Variants in TRPM8 observed in about 807,000 individuals in gnomAD.
TRPM8 encodes the protein transient receptor potential cation channel subfamily M member 8.
Under a neutral mutation model 133.7 loss-of-function variants are expected in TRPM8, and 110 were observed. The observed-to-expected ratio is 0.82, with a 90% CI of 0.70 to 0.96. TRPM8 has a LOEUF of 0.96. TRPM8 is among the 40% of genes least tolerant of loss of function. TRPM8 has a pLI of 0.00. For missense variants in TRPM8, 1,291 were observed against 1,379.5 expected (o/e 0.94, Z 1.02); for synonymous variants, 535 against 532.3 (o/e 1.01, Z -0.07).
chr2:233,954,164 A>G (rs1356630568), intron 10 of TRPM8, 145 bp downstream of exon 10: 1 of 528,444 alleles, frequency 1.9e-6, no homozygotes, highest in African/African-American at 1.9e-5. Context: ...AGCTAGAATA[A>G]CTACGCTTGT....
At chr2:233,941,028 C>G (rs781225910) in intron 5 of TRPM8, among the ~76,000 whole-genome samples, 2 of 152,080 alleles carry the variant, frequency 1.3e-5, no homozygotes, top group African/African-American at 4.8e-5. Flanking sequence ...CCTCTGACCT[C>G]GAAAGGTCAT....
At chr2:234,012,793 T>C (rs1692874376) in intron 24 of TRPM8, among the ~76,000 whole-genome samples, 1 of 152,044 alleles carries the variant, frequency 6.6e-6, no homozygotes, top group South Asian at 2.1e-4. Context: ...TCTATATCGA[T>C]TTTGTTGAGA....
At chr2:233,946,134 C>T in intron 7 of TRPM8, 104 bp downstream of exon 7, 1 of 1,101,142 alleles carries the variant, frequency 9.1e-7, no homozygotes, top group Non-Finnish European at 1.3e-6. Flanking sequence ...GAGAAACACA[C>T]CTGATCAGGT....
In TRPM8 at chr2:233,970,152, G is replaced by A. The variant is rs893962270; in HGVS notation, c.2139-58G>A. On this transcript the variant is annotated intron_variant, in intron 16 of 25. Transcript: ENST00000324695. ...TTATCTATGTTTGGAAGGAGGGGAGGGCTGTGCCCGTCCCATGCTTGCAAG... is the reference window on the plus strand; with the variant it reads ...TTATCTATGTTTGGAAGGAGGGGAGAGCTGTGCCCGTCCCATGCTTGCAAG... The A allele has an allele frequency of 1.0e-5, 15 of 1,451,732 alleles. No homozygotes were observed. In the East Asian group the frequency reaches 2.9e-4, roughly 29 times the overall value. 89.9% of individuals were successfully genotyped at this position (1,451,732 alleles called of 1,614,324 possible).
chr2:233,995,954 G>A (rs1389941741), intron 21 of TRPM8, among the ~76,000 whole-genome samples: 3 of 151,968 alleles, frequency 2.0e-5, no homozygotes, highest in African/African-American at 7.3e-5. Flanking sequence ...ATGGATGAGG[G>A]CCACCATGCT....
intron 22 of TRPM8, among the ~76,000 whole-genome samples, chr2:233,999,110 G>T (rs1429757124): frequency 1.3e-5 from 2 of 152,118 alleles, no homozygotes; most frequent in Non-Finnish European, 2.9e-5. Context: ...TTTCCTGAAA[G>T]CATTTATTTG....
In TRPM8 at chr2:233,969,760, G is replaced by T; in HGVS notation, c.2091G>T (p.Leu697=). The T allele has an allele frequency of 6.2e-7, 1 of 1,614,024 alleles. No homozygotes were observed. Among genetic ancestry groups the T allele is most frequent in the Non-Finnish European group, 8.5e-7 (1 of 1,179,892 alleles). The change falls in exon 16 of 26, where the codon CTG becomes CTT. Residue 697 remains leucine (L), a synonymous_variant. Coordinates refer to ENST00000324695, the MANE Select transcript of TRPM8 (RefSeq NM_024080.5). ...SRDTKNWKII[L]CLFIIPLVGC... ...ACACCAAGAACTGGAAGATTATCCTGTGTCTGTTTATTATACCCTTGGTGG... is the reference window on the plus strand; with the variant it reads ...ACACCAAGAACTGGAAGATTATCCTTTGTCTGTTTATTATACCCTTGGTGG...
chr2:233,985,618 C>G, intron 20 of TRPM8, 70 bp from the exon 21 acceptor site: 1 of 1,438,388 alleles, frequency 7.0e-7, no homozygotes, highest in East Asian at 2.3e-5. Context: ...GTTCTTGTGG[C>G]CCTGGGAATG....
intron 16 of TRPM8, 23 bp downstream of exon 16, chr2:233,969,830 G>C: frequency 7.4e-7 from 1 of 1,354,050 alleles, no homozygotes; most frequent in Non-Finnish European, 1.1e-6. Context: ...GCACATAATC[G>C]TGTGTGAGTG....
intron 11 of TRPM8, 181 bp downstream of exon 11, chr2:233,955,431 C>G (rs1691270847): frequency 5.6e-6 from 3 of 532,860 alleles, no homozygotes; most frequent in Non-Finnish European, 1.0e-5. Context: ...ATAACATTGA[C>G]TTAGTAGGTT....
intron 5 of TRPM8, among the ~76,000 whole-genome samples, chr2:233,942,088 TTTTC>T (rs1214690156): frequency 0.019 from 2,687 of 145,070 alleles, 177 homozygotes; most frequent in African/African-American, 0.07. Context: ...TTTTTTTTTT[TTTTC>T]TTTTTGAGAT....
At position 234,017,364 on chromosome 2, in the gene TRPM8, C is replaced by G. The variant is rs28902237; in HGVS notation, c.*108C>G. On this transcript the variant is annotated 3_prime_UTR_variant, in exon 26 of 26. Coordinates refer to ENST00000324695, the MANE Select transcript of TRPM8 (RefSeq NM_024080.5). ...TACTAAATGAGAGATTTTCAGACCC[C>G]TGGGTACATGGTGGATGATTTTAAA... The G allele has an allele frequency of 2.1e-6, 1 of 471,056 alleles. No individual in the cohort carries two copies. The highest frequency in any genetic ancestry group is 4.4e-6 in the Non-Finnish European group (1 of 227,070). The allele number at this position is 471,056 out of a possible 1,614,324, so 29.2% of individuals were successfully genotyped here.
In TRPM8 at chr2:233,996,427, C is replaced by G; in HGVS notation, c.3041C>G (p.Pro1014Arg). 1.2e-6 allele frequency: 2 copies of G among 1,614,182 alleles called. No individual in the cohort carries two copies. Among genetic ancestry groups the G allele is most frequent in the Non-Finnish European group, 1.7e-6 (2 of 1,180,036 alleles). Residue 1014 changes from proline to arginine, a missense_variant, in exon 22 of 26, where the codon CCC (proline) becomes CGC (arginine). Transcript: ENST00000324695. ...EYCSRLNIPF[P>R]FIVFAYFYMV... ...TGCAGCCGCCTCAATATCCCCTTCCCCTTCATCGTCTTCGCTTACTTCTAC... is the reference window on the plus strand; with the variant it reads ...TGCAGCCGCCTCAATATCCCCTTCCGCTTCATCGTCTTCGCTTACTTCTAC...
At chr2:233,942,803 A>G in intron 6 of TRPM8, 55 bp downstream of exon 6, 1 of 1,607,002 alleles carries the variant, frequency 6.2e-7, no homozygotes, top group African/African-American at 1.3e-5. Flanking sequence ...AGACCATGGC[A>G]TGGGCCTGTG....
intron 10 of TRPM8, 128 bp downstream of exon 10, chr2:233,954,147 G>C (rs771412704): frequency 1.7e-6 from 1 of 580,058 alleles, no homozygotes; most frequent in East Asian, 3.1e-5. Context: ...GATGATCCTA[G>C]ATTGGAAGCT....
chr2:233,941,862 G>C (rs540999016), intron 5 of TRPM8, among the ~76,000 whole-genome samples: 50 of 152,204 alleles, frequency 3.3e-4, no homozygotes, highest in African/African-American at 1.2e-3. Context: ...AGCCATCCAA[G>C]GAAGATTCAC....
At chr2:233,994,655 T>G (rs1009767947) in intron 21 of TRPM8, among the ~76,000 whole-genome samples, 6 of 152,232 alleles carry the variant, frequency 3.9e-5, no homozygotes, top group African/African-American at 1.4e-4. Flanking sequence ...ATAACCATTG[T>G]CTGTGTTGGT....
chr2:234,013,623 A>G (rs1236855771), intron 24 of TRPM8: 2 of 152,118 alleles, frequency 1.3e-5, no homozygotes, highest in East Asian at 1.9e-4. Flanking sequence ...CTTTTTTAAA[A>G]ATGTATTTTG....
At chr2:233,982,998 G>A (rs1692048382) in intron 19 of TRPM8, 55 bp from the exon 20 acceptor site, 6 of 1,573,342 alleles carry the variant, frequency 3.8e-6, no homozygotes, top group Admixed American at 3.4e-5. Context: ...GGGCCGGGGG[G>A]ACTTGCCAAC....
Sources: gnomAD v4.1 joint callset for allele counts (sites outside exome capture counted in the v4.1 genomes callset) on GRCh38, gnomAD v4.1.1 for gene constraint, MANE v1.5 for transcripts, NCBI Gene and HGNC (gene_info 2026-07-23, HGNC 2026-07-21) for gene names.